Variants in MAP3K20 observed in about 807,000 individuals in gnomAD.
The protein encoded by MAP3K20 is mitogen-activated protein kinase kinase kinase 20.
A neutral mutation model predicts 85.7 loss-of-function variants in MAP3K20; 40 were observed. The ratio of observed to expected loss-of-function variants is 0.47; its 90% CI spans 0.36 to 0.61. The LOEUF (loss-of-function observed/expected upper bound fraction) is 0.61. Among genes scored for constraint, MAP3K20 ranks in the 20% least tolerant of loss-of-function variants. MAP3K20 has a pLI of 0.00. For missense variants in MAP3K20, 817 were observed against 961.7 expected (o/e 0.85, Z 1.99); for synonymous variants, 325 against 327.7 (o/e 0.99, Z 0.09).
At chr2:173,118,457 T>G (rs1300214191) in intron 2 of MAP3K20, among the ~76,000 whole-genome samples, 1 of 152,128 alleles carries the variant, frequency 6.6e-6, no homozygotes, top group East Asian at 1.9e-4. Context: ...ATATAAATAT[T>G]CTATGTTTTG....
At chr2:173,225,566 C>T (rs1684360141) in intron 11 of MAP3K20, 1 of 972,054 alleles carries the variant, frequency 1.0e-6, no homozygotes. Context: ...TACACTCCAG[C>T]CTGGATGACA....
At chr2:173,177,360 G>A (rs1368006012) in intron 3 of MAP3K20, among the ~76,000 whole-genome samples, 1 of 150,816 alleles carries the variant, frequency 6.6e-6, no homozygotes, top group East Asian at 1.9e-4. Context: ...AACAACAAAA[G>A]GAAATCTGGA....
intron 9 of MAP3K20, among the ~76,000 whole-genome samples, chr2:173,206,916 C>A (rs1319248192): frequency 7.7e-6 from 1 of 130,146 alleles, no homozygotes; most frequent in East Asian, 2.1e-4. Context: ...ATATGTAGAG[C>A]AATAAAGTAC....
At chr2:173,153,452 A>G (rs954037193) in intron 2 of MAP3K20, among the ~76,000 whole-genome samples, 2 of 152,192 alleles carry the variant, frequency 1.3e-5, no homozygotes, top group African/African-American at 2.4e-5. Flanking sequence ...TCATTTCCAA[A>G]TTTCCAACAA....
At chr2:173,098,489 A>G (rs1687528946) in intron 2 of MAP3K20, among the ~76,000 whole-genome samples, 1 of 152,252 alleles carries the variant, frequency 6.6e-6, no homozygotes, top group South Asian at 2.1e-4. Flanking sequence ...GCCTCCAGGT[A>G]TAAGATACAG....
intron 1 of MAP3K20, among the ~76,000 whole-genome samples, chr2:173,084,345 G>C (rs1436061919): frequency 6.6e-6 from 1 of 151,962 alleles, no homozygotes; most frequent in Non-Finnish European, 1.5e-5. Context: ...TGGGGAAGGA[G>C]GGGATGCTCC....
intron 3 of MAP3K20, among the ~76,000 whole-genome samples, chr2:173,181,886 CAAAAA>C (rs74938428): frequency 3.7e-5 from 5 of 134,990 alleles, no homozygotes; most frequent in Non-Finnish European, 4.7e-5. Context: ...TCATCTCTAC[CAAAAA>C]AAAAAAAAAA....
At chr2:173,135,163 A>G (rs1688764639) in intron 2 of MAP3K20, among the ~76,000 whole-genome samples, 1 of 152,250 alleles carries the variant, frequency 6.6e-6, no homozygotes, top group Non-Finnish European at 1.5e-5. Flanking sequence ...ATATTGAAAA[A>G]AAGTTTCCGT....
intron 2 of MAP3K20, among the ~76,000 whole-genome samples, chr2:173,165,081 T>C (rs921780418): frequency 2.0e-5 from 3 of 152,158 alleles, no homozygotes; most frequent in African/African-American, 4.8e-5. Context: ...TTTTTATGAA[T>C]AGACCTTGAT....
At chr2:173,184,888 T>A (rs2106267759) in intron 4 of MAP3K20, among the ~76,000 whole-genome samples, 1 of 126,700 alleles carries the variant, frequency 7.9e-6, no homozygotes, top group African/African-American at 3.1e-5. Flanking sequence ...CCAGCCAGAG[T>A]GAGACTCAGT....
intron 2 of MAP3K20, among the ~76,000 whole-genome samples, chr2:173,157,582 T>C (rs944215849): frequency 6.6e-6 from 1 of 152,200 alleles, no homozygotes; most frequent in African/African-American, 2.4e-5. Context: ...ACATTTCTCT[T>C]ATGGGATGTA....
rs111298550 is a variant in MAP3K20 at position 173,090,789 on chromosome 2, A to G, written c.-34-209A>G. On this transcript the variant is annotated intron_variant, in intron 1 of 19. Transcript: ENST00000375213. ...TTCTCTGTGGGCAGCTGTGTTTCAA[A>G]GTCTGGGCAGGTTGTTGTTGAATTT... 10,203 of 1,184,340 alleles carry G rather than the reference A, an allele frequency of 8.6e-3. 55 individuals are homozygous for G. The highest frequency in any genetic ancestry group is 9.6e-3 in the Non-Finnish European group (9,175 of 955,742). The allele number at this position is 1,184,340 out of a possible 1,614,324, so 73.4% of individuals were successfully genotyped here. A position where few individuals can be genotyped will look rare whatever the true frequency, so the allele number is the denominator to read the frequency against.
chr2:173,208,778 T>C (rs1006898271), intron 9 of MAP3K20, among the ~76,000 whole-genome samples: 4 of 152,238 alleles, frequency 2.6e-5, no homozygotes, highest in African/African-American at 9.6e-5. Context: ...TTAAAATGCA[T>C]GTTTTAATTG....
intron 2 of MAP3K20, among the ~76,000 whole-genome samples, chr2:173,107,373 G>C (rs1290597031): frequency 1.3e-5 from 2 of 152,096 alleles, no homozygotes; most frequent in Non-Finnish European, 2.9e-5. Context: ...AGGGTTTCAG[G>C]AGTTGAGAAG....
intron 10 of MAP3K20, among the ~76,000 whole-genome samples, chr2:173,214,824 A>C (rs1313788977): frequency 1.3e-5 from 2 of 152,224 alleles, no homozygotes; most frequent in African/African-American, 4.8e-5. Flanking sequence ...TATATCAACA[A>C]ATGCATTTGA....
intron 17 of MAP3K20, among the ~76,000 whole-genome samples, chr2:173,259,853 G>T (rs1339438406): frequency 1.3e-5 from 2 of 152,134 alleles, no homozygotes; most frequent in African/African-American, 2.4e-5. Context: ...TTGAAGACTG[G>T]AAAGATATTT....
chr2:173,126,919 G>A (rs1225136622), intron 2 of MAP3K20, among the ~76,000 whole-genome samples: 5 of 152,190 alleles, frequency 3.3e-5, no homozygotes, highest in African/African-American at 1.2e-4. Flanking sequence ...TTGAAATACA[G>A]CCTGTGAATG....
intron 3 of MAP3K20, among the ~76,000 whole-genome samples, chr2:173,175,717 A>G (rs1286655939): frequency 3.3e-5 from 5 of 152,092 alleles, no homozygotes; most frequent in Non-Finnish European, 5.9e-5. Context: ...TGTTGTTTTT[A>G]CTGTTTACTA....
At chr2:173,259,672 C>A (rs1308303448) in intron 17 of MAP3K20, among the ~76,000 whole-genome samples, 1 of 152,190 alleles carries the variant, frequency 6.6e-6, no homozygotes, top group Non-Finnish European at 1.5e-5. Flanking sequence ...CATCAGAGTG[C>A]TAAACCACCA....
Sources: allele counts gnomAD v4.1 joint callset (sites outside exome capture counted in the v4.1 genomes callset), GRCh38; gene constraint gnomAD v4.1.1; transcripts MANE v1.5; gene names NCBI Gene and HGNC (gene_info 2026-07-23, HGNC 2026-07-21).